The following NEURL1 variants were observed in gnomAD, a reference collection of about 807,000 sequenced individuals.
The protein encoded by NEURL1 is E3 ubiquitin-protein ligase NEURL1.
Under a neutral mutation model 41.2 loss-of-function variants are expected in NEURL1, and 26 were observed. The observed-to-expected ratio is 0.63, with a 90% confidence interval of 0.46 to 0.87. The LOEUF is 0.87. Ranked by LOEUF, NEURL1 falls within the 40% of genes least tolerant of loss-of-function variation. The pLI is 0.00. For missense variants in NEURL1, 761 were observed against 871.1 expected (o/e 0.87, Z 1.59); for synonymous variants, 400 against 402.3 (o/e 0.99, Z 0.07).
At chr10:103,509,941 G>A (rs2034032843) in intron 1 of NEURL1, among the ~76,000 whole-genome samples, 3 of 152,120 alleles carry the variant, frequency 2.0e-5, no homozygotes, top group South Asian at 4.2e-4. Context: ...TCAGTCTTGT[G>A]GTCAAGAGTC....
intron 1 of NEURL1, among the ~76,000 whole-genome samples, chr10:103,502,813 C>T (rs10883876): frequency 0.26 from 40,110 of 152,096 alleles, 5,690 homozygotes; most frequent in East Asian, 0.41. Flanking sequence ...CCAGGGTGTG[C>T]CAGGGCCGCC....
At chr10:103,537,983 C>G (rs992029003) in intron 1 of NEURL1, among the ~76,000 whole-genome samples, 2 of 152,162 alleles carry the variant, frequency 1.3e-5, no homozygotes, top group East Asian at 3.9e-4. Context: ...TTTTAGAGTT[C>G]TATGTAATGG....
At chr10:103,562,676 C>T (rs1425155988) in intron 1 of NEURL1, among the ~76,000 whole-genome samples, 4 of 152,158 alleles carry the variant, frequency 2.6e-5, no homozygotes, top group African/African-American at 9.7e-5. Context: ...CTTGGTGATG[C>T]GTCCTCTGTT....
In NEURL1 at chr10:103,590,795, TG is replaced by T. The variant is rs1330588928; in HGVS notation, c.*425del. Reference sequence around the variant, plus strand: ...AGCTGCAGCCCTGAGCCAGGACATGTGGCCTGGCTAGTGCAGCATGGAGTGG... The same window carrying T: ...AGCTGCAGCCCTGAGCCAGGACATGTGCCTGGCTAGTGCAGCATGGAGTGG... On this transcript the variant is annotated 3_prime_UTR_variant, in exon 6 of 6. Coordinates refer to ENST00000369780, the MANE Select transcript of NEURL1 (RefSeq NM_004210.5). 1 of 240,538 alleles carries T rather than the reference TG, an allele frequency of 4.2e-6. No homozygotes were observed. The highest frequency in any genetic ancestry group is 2.2e-5 in the African/African-American group (1 of 44,498). The allele number at this position is 240,538 out of a possible 1,614,324, so 14.9% of individuals were successfully genotyped here.
At chr10:103,588,368 C>T (rs954867560) in intron 4 of NEURL1, among the ~76,000 whole-genome samples, 4 of 151,200 alleles carry the variant, frequency 2.6e-5, no homozygotes, top group African/African-American at 4.9e-5. Flanking sequence ...GTCCTGGGCA[C>T]AGAACAAATA....
intron 1 of NEURL1, among the ~76,000 whole-genome samples, chr10:103,565,361 C>T (rs527898039): frequency 2.6e-5 from 4 of 152,286 alleles, no homozygotes; most frequent in Non-Finnish European, 2.9e-5. Context: ...CAGGCCGGGC[C>T]GGGCCTGGCA....
chr10:103,571,468 G>C (rs567978468), intron 2 of NEURL1, 33 bp from the exon 3 acceptor site: 2 of 1,570,374 alleles, frequency 1.3e-6, no homozygotes, highest in South Asian at 2.3e-5. Flanking sequence ...CCAAGTGGGA[G>C]AGGGTGGGCT....
intron 2 of NEURL1, 29 bp downstream of exon 2, chr10:103,571,142 C>T: frequency 6.2e-7 from 1 of 1,601,984 alleles, no homozygotes. Flanking sequence ...CCCGCCCCCG[C>T]CTCCTGCTTC....
chr10:103,563,144 A>G (rs1017142795), intron 1 of NEURL1, among the ~76,000 whole-genome samples: 35 of 152,302 alleles, frequency 2.3e-4, no homozygotes, highest in African/African-American at 7.5e-4. Context: ...CTAGTCTCCC[A>G]TTGGACTGAA....
At chr10:103,509,550 C>T (rs550648248) in intron 1 of NEURL1, among the ~76,000 whole-genome samples, 74 of 152,148 alleles carry the variant, frequency 4.9e-4, no homozygotes, top group Admixed American at 7.9e-4. Context: ...ATCATGGCTA[C>T]GACATCACTG....
intron 1 of NEURL1, among the ~76,000 whole-genome samples, chr10:103,542,630 T>G (rs1441187891): frequency 6.6e-6 from 1 of 152,168 alleles, no homozygotes; most frequent in Admixed American, 6.5e-5. Flanking sequence ...TGCTGTTGTC[T>G]TGGGGTGGTG....
chr10:103,590,534 G>C lies in NEURL1; in HGVS notation c.*162G>C. On this transcript the variant is annotated 3_prime_UTR_variant, in exon 6 of 6. Transcript: ENST00000369780. ...GCCCTTGAAGGTTTGGGGAGAGGGG[G>C]GTATCAGGCAGGGAGGGGGCAGAGG... 1 of 629,468 alleles carries C rather than the reference G, an allele frequency of 1.6e-6. No homozygotes were observed. The highest frequency in any genetic ancestry group is 2.9e-4 in the Middle Eastern group (1 of 3,392). 39.0% of individuals were successfully genotyped at this position (629,468 alleles called of 1,614,324 possible). A position where few individuals can be genotyped will look rare whatever the true frequency, so the allele number is the denominator to read the frequency against.
intron 1 of NEURL1, among the ~76,000 whole-genome samples, chr10:103,520,558 T>G (rs2034324386): frequency 6.6e-6 from 1 of 152,202 alleles, no homozygotes; most frequent in Non-Finnish European, 1.5e-5. Context: ...CTTTTGTGAT[T>G]CTTCACTTGC....
intron 1 of NEURL1, among the ~76,000 whole-genome samples, chr10:103,531,479 A>AC (rs1335568335): frequency 6.6e-6 from 1 of 151,504 alleles, no homozygotes; most frequent in Non-Finnish European, 1.5e-5. Context: ...GCCTCAAGCT[A>AC]CCCTCCTGCT....
intron 1 of NEURL1, among the ~76,000 whole-genome samples, chr10:103,565,645 G>A (rs1046319337): frequency 6.6e-5 from 10 of 152,142 alleles, no homozygotes; most frequent in Admixed American, 5.9e-4. Context: ...TTGTATTATA[G>A]ATTTTACTTT....
chr10:103,562,400 A>G (rs1318696762), intron 1 of NEURL1, among the ~76,000 whole-genome samples: 2 of 152,134 alleles, frequency 1.3e-5, no homozygotes, highest in Admixed American at 6.5e-5. Context: ...ACAAACAAAC[A>G]AAAAAAGAAA....
intron 1 of NEURL1, among the ~76,000 whole-genome samples, chr10:103,519,580 A>T (rs904215153): frequency 6.6e-6 from 1 of 152,118 alleles, no homozygotes; most frequent in Non-Finnish European, 1.5e-5. Flanking sequence ...TCCACATCGT[A>T]TGCATCTGAG....
Position 103,560,047 on chromosome 10 carries a change from G to T in NEURL1, c.86-10825G>T, listed in dbSNP as rs555574315. 1.2e-4 allele frequency among the ~76,000 whole-genome samples: 18 copies of T among 151,626 alleles called. No homozygotes were observed. In the East Asian group the frequency reaches 3.3e-3, roughly 28 times the overall value. ...CACACAAGTGCACACATAAACACAC[G>T]CACACACACATACACGCATGCACAC... On this transcript the variant is annotated intron_variant, in intron 1 of 5. Coordinates refer to ENST00000369780, the MANE Select transcript of NEURL1 (RefSeq NM_004210.5).
chr10:103,571,749 C>T lies in NEURL1; in HGVS notation c.576C>T (p.Ser192=), dbSNP rs139752739. The T allele has an allele frequency of 5.1e-5, 82 of 1,614,086 alleles. 1 individual carries two copies. In the African/African-American group the frequency reaches 7.1e-4, roughly 14 times the overall value. ...ACTCGGCTGTTATGCTGTTCTTCAG[C>T]GGGGTCCGCACGGCCGACCCGCTCT... is the stretch of plus-strand genomic sequence containing the variant. ...INDSAVMLFF[S]GVRTADPLWA... is the part of the protein sequence containing the mutation. Residue 192 remains serine, a synonymous_variant, in exon 3 of 6, where the codon AGC becomes AGT. Coordinates refer to ENST00000369780, the MANE Select transcript of NEURL1 (RefSeq NM_004210.5).
Sources: gnomAD v4.1 joint callset for allele counts (sites outside exome capture counted in the v4.1 genomes callset) on GRCh38, gnomAD v4.1.1 for gene constraint, MANE v1.5 for transcripts, NCBI Gene and HGNC (gene_info 2026-07-23, HGNC 2026-07-21) for gene names.